RPS6KA2: variants seen among roughly 807,000 people sequenced by gnomAD.
RPS6KA2 encodes the protein ribosomal protein S6 kinase alpha-2.
A neutral mutation model predicts 91.8 loss-of-function variants in RPS6KA2; 42 were observed. The ratio of observed to expected loss-of-function variants is 0.46; its 90% CI spans 0.36 to 0.59. RPS6KA2 has a LOEUF of 0.59. RPS6KA2 is among the 20% of genes least tolerant of loss of function. The pLI is 0.00. For missense variants in RPS6KA2, 798 were observed against 978.5 expected (o/e 0.82, Z 2.46); for synonymous variants, 414 against 393.6 (o/e 1.05, Z -0.61).
At chr6:166,718,544 TA>T (rs1483472488) in intron 2 of RPS6KA2, among the ~76,000 whole-genome samples, 1 of 152,216 alleles carries the variant, frequency 6.6e-6, no homozygotes, top group East Asian at 1.9e-4. Flanking sequence ...TATCATACAA[TA>T]AAATGCAACC....
At position 166,488,877 on chromosome 6, in the gene RPS6KA2, C is replaced by T; in HGVS notation, c.863G>A (p.Ser288Asn). ...CCGTTTGAAGAGAGCTCGCAGCAAA[C>T]TCTGTGCCTCCCCACTGAGGAACTG... is the stretch of plus-strand genomic sequence containing the variant. ...MPQFLSGEAQ[S>N]LLRALFKRNP... The change falls in exon 10 of 21, where the codon AGT (serine) becomes AAT (asparagine). Residue 288 changes from serine to asparagine, a missense_variant. Ser to Asn is a conservative substitution (Grantham distance 46). Coordinates refer to ENST00000265678, the MANE Select transcript of RPS6KA2 (RefSeq NM_021135.6). The T allele has an allele frequency of 6.2e-7, 1 of 1,613,862 alleles. No individual in the cohort carries two copies. Among genetic ancestry groups the T allele is most frequent in the Non-Finnish European group, 8.5e-7 (1 of 1,179,934 alleles).
chr6:166,619,375 G>A (rs1208861891), intron 1 of RPS6KA2, among the ~76,000 whole-genome samples: 2 of 152,228 alleles, frequency 1.3e-5, no homozygotes, highest in Non-Finnish European at 2.9e-5. Context: ...TTTGAAAGTT[G>A]TTTTGTTTGT....
At chr6:166,816,843 T>C (rs1779778035) in intron 2 of RPS6KA2, among the ~76,000 whole-genome samples, 1 of 152,142 alleles carries the variant, frequency 6.6e-6, no homozygotes, top group South Asian at 2.1e-4. Flanking sequence ...AGGGGAATTG[T>C]TCAAAAGAAC....
At chr6:166,750,123 G>A (rs1478324683) in intron 2 of RPS6KA2, among the ~76,000 whole-genome samples, 1 of 152,174 alleles carries the variant, frequency 6.6e-6, no homozygotes, top group Non-Finnish European at 1.5e-5. Context: ...GAGAGAAGTT[G>A]GCTTCCTGGA....
At chr6:166,860,934 G>A (rs1781032454) in intron 1 of RPS6KA2, among the ~76,000 whole-genome samples, 1 of 152,102 alleles carries the variant, frequency 6.6e-6, no homozygotes, top group African/African-American at 2.4e-5. Flanking sequence ...TAACAGTAGG[G>A]AGCCCTGGTG....
rs2128452795 is a variant in RPS6KA2, at chr6:166,445,689, G to T, written c.1332+3035C>A. ...TTCTCTTTCTGTCATTACTCGGTGG[G>T]GACATTTCTGGGTCATCCCTGCCAT... On this transcript the variant is annotated intron_variant, in intron 14 of 20. Transcript: ENST00000265678. The surrounding 1 kb of genome is among the most constrained non-coding windows in gnomAD (Gnocchi z 4.5). Among the ~76,000 whole-genome samples the T allele has an allele frequency of 6.6e-6, 1 of 152,236 alleles. No individual in the cohort carries two copies. Among genetic ancestry groups the T allele is most frequent in the East Asian group, 1.9e-4 (1 of 5,190 alleles).
At position 166,494,107 on chromosome 6, in the gene RPS6KA2, C is replaced by T. The variant is rs1204577661; in HGVS notation, c.748-3366G>A. ...ATTTTAATCTGAAAACAGGCGAGGA[C>T]AAGCCCTGACCTGAGATGGATGACT... On this transcript the variant is annotated intron_variant, in intron 8 of 20. Coordinates refer to ENST00000265678, the MANE Select transcript of RPS6KA2 (RefSeq NM_021135.6). This position sits in a 1 kb window ranked among gnomAD's most constrained non-coding sequence, Gnocchi z 5.1. Among the ~76,000 whole-genome samples the T allele has an allele frequency of 2.0e-5, 3 of 152,190 alleles. No individual in the cohort carries two copies. Among genetic ancestry groups the T allele is most frequent in the Non-Finnish European group, 2.9e-5 (2 of 68,050 alleles).
chr6:166,695,655 C>T (rs2128573000), intron 2 of RPS6KA2, among the ~76,000 whole-genome samples: 1 of 152,148 alleles, frequency 6.6e-6, no homozygotes, highest in East Asian at 1.9e-4. Context: ...GTCAGATCAG[C>T]AACAGAACTA....
intron 2 of RPS6KA2, among the ~76,000 whole-genome samples, chr6:166,700,124 T>C (rs2128575262): frequency 6.6e-6 from 1 of 152,338 alleles, no homozygotes; most frequent in Middle Eastern, 3.4e-3. Flanking sequence ...AAAGCATTTA[T>C]TATGCATTCA....
At chr6:166,807,097 G>A (rs999640191) in intron 2 of RPS6KA2, among the ~76,000 whole-genome samples, 6 of 152,088 alleles carry the variant, frequency 3.9e-5, no homozygotes, top group Non-Finnish European at 7.4e-5. Context: ...GAGACAAAAC[G>A]CTATAATATA....
intron 1 of RPS6KA2, among the ~76,000 whole-genome samples, chr6:166,573,920 C>T (rs1784764021): frequency 6.6e-6 from 1 of 152,136 alleles, no homozygotes; most frequent in Admixed American, 6.5e-5. Flanking sequence ...GCAGCAAATC[C>T]ATTTCAAAGG....
At position 166,448,284 on chromosome 6, in the gene RPS6KA2, C is replaced by T. The variant is rs935440979; in HGVS notation, c.1332+440G>A. 2.0e-5 allele frequency among the ~76,000 whole-genome samples: 3 copies of T among 152,088 alleles called. No homozygotes were observed. The highest frequency in any genetic ancestry group is 2.1e-4 in the South Asian group (1 of 4,814). On this transcript the variant is annotated intron_variant, in intron 14 of 20. Coordinates refer to ENST00000265678, the MANE Select transcript of RPS6KA2 (RefSeq NM_021135.6). The surrounding 1 kb of genome is among the most constrained non-coding windows in gnomAD (Gnocchi z 4.7). ...TTTCCTTGCCAAATTCTATACCTGT[C>T]CCCCAACTCTGTTTTCTCAAAATAC...
chr6:166,838,633 C>T (rs1780380346), intron 2 of RPS6KA2, among the ~76,000 whole-genome samples: 1 of 152,160 alleles, frequency 6.6e-6, no homozygotes, highest in Non-Finnish European at 1.5e-5. Flanking sequence ...TATCATGTCC[C>T]TACGTGTCAT....
chr6:166,573,144 T>C (rs1207005067), intron 1 of RPS6KA2, among the ~76,000 whole-genome samples: 2 of 152,210 alleles, frequency 1.3e-5, no homozygotes, highest in East Asian at 3.9e-4. Context: ...ATCTTTGGTC[T>C]GTGGGAAGCC....
chr6:166,840,934 G>C (rs1330743688), intron 2 of RPS6KA2, among the ~76,000 whole-genome samples: 1 of 151,778 alleles, frequency 6.6e-6, no homozygotes, highest in Non-Finnish European at 1.5e-5. Flanking sequence ...TTACACTCCA[G>C]CCTGGGCAAC....
chr6:166,610,902 T>C (rs866538649), intron 1 of RPS6KA2, among the ~76,000 whole-genome samples: 9 of 152,352 alleles, frequency 5.9e-5, no homozygotes, highest in Admixed American at 4.6e-4. Flanking sequence ...CTTTCTTTTT[T>C]GAATCCTCAC....
chr6:166,498,773 C>CCT, intron 7 of RPS6KA2, 123 bp from the exon 8 acceptor site: 1 of 1,272,944 alleles, frequency 7.9e-7, no homozygotes, highest in South Asian at 1.3e-5. Context: ...GCAGCAGAGC[C>CCT]CTGCTCAGCA....
chr6:166,623,274 A>G (rs1424304881), intron 1 of RPS6KA2, among the ~76,000 whole-genome samples: 1 of 143,704 alleles, frequency 7.0e-6, no homozygotes. Context: ...ACTTTTAATT[A>G]GTTTAAATGT....
rs186706760 is a variant in RPS6KA2 at position 166,435,724 on chromosome 6, T to C, written c.1333-3234A>G. 3.0e-4 allele frequency among the ~76,000 whole-genome samples: 45 copies of C among 152,382 alleles called. No individual in the cohort carries two copies. Among genetic ancestry groups the C allele is most frequent in the Admixed American group, 2.7e-3 (41 of 15,306 alleles). ...GTTTGCTCCTGAGGGGAAGTCACGT[T>C]TGCTGTCTCAGGCGACAACACTGCT... is the stretch of plus-strand genomic sequence containing the variant. On this transcript the variant is annotated intron_variant, in intron 14 of 20. Coordinates refer to ENST00000265678, the MANE Select transcript of RPS6KA2 (RefSeq NM_021135.6). The surrounding 1 kb of genome is among the most constrained non-coding windows in gnomAD (Gnocchi z 4.3).
Sources: gnomAD v4.1 joint callset for allele counts (sites outside exome capture counted in the v4.1 genomes callset) on GRCh38, gnomAD v4.1.1 for gene constraint, Gnocchi (gnomAD v3.1) non-coding constraint, MANE v1.5 for transcripts, NCBI Gene and HGNC (gene_info 2026-07-23, HGNC 2026-07-21) for gene names.